The following SLC24A2 variants were observed in gnomAD, a reference collection of about 807,000 sequenced individuals.
The protein encoded by SLC24A2 is solute carrier family 24 member 2.
A neutral mutation model predicts 62.0 loss-of-function variants in SLC24A2; 36 were observed. The ratio of observed to expected loss-of-function variants is 0.58; its 90% CI spans 0.44 to 0.77. SLC24A2 has a LOEUF of 0.77. Ranked by LOEUF, SLC24A2 falls within the 30% of genes least tolerant of loss-of-function variation. The pLI, the probability that SLC24A2 is intolerant of heterozygous loss-of-function variation, is 0.00. For missense variants in SLC24A2, 846 were observed against 817.9 expected (o/e 1.03, Z -0.42); for synonymous variants, 358 against 294.0 (o/e 1.22, Z -2.23).
chr9:20,248,566 C>T, the SLC24A2 span, among the ~76,000 whole-genome samples: 708 of 152,234 alleles, frequency 4.7e-3, 6 homozygotes, highest in African/African-American at 0.014. Context: ...TATAAGGGCA[C>T]TAATCCCGTT....
At chr9:20,275,320 T>G in the SLC24A2 span, among the ~76,000 whole-genome samples, 1 of 152,136 alleles carries the variant, frequency 6.6e-6, no homozygotes, top group African/African-American at 2.4e-5. Context: ...GCCAGAGCAC[T>G]TGCAAGAAAA....
the SLC24A2 span, among the ~76,000 whole-genome samples, chr9:20,202,270 C>G: frequency 1.3e-5 from 2 of 152,198 alleles, no homozygotes; most frequent in Non-Finnish European, 2.9e-5. Flanking sequence ...GGACTGAGGA[C>G]TGCTTGTTTG....
At chr9:19,613,010 C>T (rs1392078080) in intron 4 of SLC24A2, among the ~76,000 whole-genome samples, 1 of 152,116 alleles carries the variant, frequency 6.6e-6, no homozygotes, top group African/African-American at 2.4e-5. Flanking sequence ...CACCAAGCTG[C>T]TCTGGGCCTT....
At chr9:19,793,508 T>C (rs1014492305), upstream of SLC24A2, among the ~76,000 whole-genome samples, 1 of 152,208 alleles carries the variant, frequency 6.6e-6, no homozygotes, top group Non-Finnish European at 1.5e-5. Flanking sequence ...GATTTGGTGA[T>C]GATCAATAAT....
At chr9:19,700,740 G>A (rs975870793) in intron 2 of SLC24A2, among the ~76,000 whole-genome samples, 1 of 152,184 alleles carries the variant, frequency 6.6e-6, no homozygotes, top group African/African-American at 2.4e-5. Context: ...GTGACATTCT[G>A]TAAATGTGCA....
intron 5 of SLC24A2, among the ~76,000 whole-genome samples, chr9:19,577,689 C>A (rs1388754314): frequency 6.6e-6 from 1 of 151,954 alleles, no homozygotes; most frequent in African/African-American, 2.4e-5. Context: ...CTGAGTGCAG[C>A]AAGTAATGTT....
At chr9:19,524,102 C>G (rs112755870) in intron 9 of SLC24A2, among the ~76,000 whole-genome samples, 137 of 96,694 alleles carry the variant, frequency 1.4e-3, no homozygotes, top group Non-Finnish European at 1.3e-3. Context: ...ATAGAAAGAA[C>G]ATCAGCAGTC....
chr9:20,238,984 T>A, the SLC24A2 span, among the ~76,000 whole-genome samples: 1 of 152,190 alleles, frequency 6.6e-6, no homozygotes, highest in African/African-American at 2.4e-5. Context: ...AAAGCAGCCA[T>A]CTATAAGCCA....
the SLC24A2 span, among the ~76,000 whole-genome samples, chr9:20,228,615 C>G: frequency 6.6e-6 from 1 of 152,012 alleles, no homozygotes; most frequent in Non-Finnish European, 1.5e-5. Flanking sequence ...TGCTATTGCC[C>G]TAAGAGAGAA....
chr9:19,683,655 G>GGGTGAGGATCAAAAA (rs1564035288), intron 2 of SLC24A2, among the ~76,000 whole-genome samples: 1 of 151,950 alleles, frequency 6.6e-6, no homozygotes, highest in Non-Finnish European at 1.5e-5. Context: ...TTTAAATGGA[G>GGGTGAGGATCAAAAA]GCTTTCAACC....
rs556427203 is a variant in SLC24A2 at position 19,687,250 on chromosome 9, A to G, written c.931-64951T>C. 1.6e-4 allele frequency among the ~76,000 whole-genome samples: 25 copies of G among 152,222 alleles called. No homozygotes were observed. The East Asian group carries it at 4.8e-3, about 29-fold the overall frequency. On this transcript the variant is annotated intron_variant, in intron 2 of 10. Coordinates refer to ENST00000341998, the MANE Select transcript of SLC24A2 (RefSeq NM_020344.4). ...TGACACACAATTTATGTATCTAACAAATCTGCACATGTTCCCCGAACCTAA... is the reference window on the plus strand; with the variant it reads ...TGACACACAATTTATGTATCTAACAGATCTGCACATGTTCCCCGAACCTAA...
the SLC24A2 span, among the ~76,000 whole-genome samples, chr9:19,935,592 T>C: frequency 6.6e-6 from 1 of 152,214 alleles, no homozygotes; most frequent in Non-Finnish European, 1.5e-5. Flanking sequence ...TAGCAGCCCT[T>C]GTGTGTGTCC....
the SLC24A2 span, among the ~76,000 whole-genome samples, chr9:20,261,781 T>A: frequency 2.4e-5 from 3 of 126,006 alleles, no homozygotes; most frequent in East Asian, 7.8e-4. Flanking sequence ...GCTCTGTCAC[T>A]CAGACTGGAG....
the SLC24A2 span, among the ~76,000 whole-genome samples, chr9:19,931,072 G>A: frequency 9.9e-5 from 15 of 152,216 alleles, no homozygotes; most frequent in East Asian, 2.9e-3. Context: ...ACCATAGAAT[G>A]TTACTTAAAA....
the SLC24A2 span, among the ~76,000 whole-genome samples, chr9:19,979,092 G>C: frequency 6.6e-6 from 1 of 152,206 alleles, no homozygotes; most frequent in South Asian, 2.1e-4. Context: ...AACGAGCCCA[G>C]TGAATGCAAG....
intron 4 of SLC24A2, among the ~76,000 whole-genome samples, chr9:19,617,091 G>C (rs1050078018): frequency 6.6e-6 from 1 of 152,144 alleles, no homozygotes. Flanking sequence ...TGGGTCTTGG[G>C]GAAGACAATT....
chr9:19,774,908 T>G (rs1364326225), intron 2 of SLC24A2, among the ~76,000 whole-genome samples: 1 of 152,232 alleles, frequency 6.6e-6, no homozygotes, highest in East Asian at 1.9e-4. Context: ...TACAAGCAAG[T>G]ATACTTGTTT....
At chr9:19,887,365 C>T in the SLC24A2 span, among the ~76,000 whole-genome samples, 3 of 152,110 alleles carry the variant, frequency 2.0e-5, no homozygotes, top group Admixed American at 2.0e-4. Flanking sequence ...GTTCTGTTCA[C>T]TCTGTTGATA....
At chr9:19,895,724 G>A in the SLC24A2 span, 2 of 1,305,578 alleles carry the variant, frequency 1.5e-6, no homozygotes, top group Non-Finnish European at 2.1e-6. Context: ...GGGGCCTGGT[G>A]GTCGAGGCTG....
Sources: allele counts gnomAD v4.1 joint callset (sites outside exome capture counted in the v4.1 genomes callset), GRCh38; gene constraint gnomAD v4.1.1; transcripts MANE v1.5; gene names NCBI Gene and HGNC (gene_info 2026-07-23, HGNC 2026-07-21).